The following CSMD1 variants were observed in gnomAD, a reference collection of about 807,000 sequenced individuals.
The protein encoded by CSMD1 is CUB and Sushi multiple domains 1.
CSMD1 carries 213 observed loss-of-function variants against 417.5 expected under a neutral mutation model. That is an observed-to-expected ratio of 0.51 (90% confidence interval 0.46 to 0.57). The LOEUF (loss-of-function observed/expected upper bound fraction) is 0.57. CSMD1 is among the 20% of genes least tolerant of loss of function. The probability of loss-of-function intolerance (pLI) is 0.00; values close to 1 mark genes in which losing one functional copy is unlikely to be tolerated. For synonymous variants in CSMD1, 2,862 were observed against 1,736.8 expected (o/e 1.65, Z -16.11); for missense variants, 6,923 against 4,529.7 (o/e 1.53, Z -15.17).
At chr8:3,293,061 T>C (rs559748326) in intron 25 of CSMD1, among the ~76,000 whole-genome samples, 6 of 152,104 alleles carry the variant, frequency 3.9e-5, no homozygotes, top group African/African-American at 1.2e-4. Context: ...GTGTGTAAAG[T>C]ATTTTATTTC....
chr8:4,171,044 C>G (rs1414996907), intron 3 of CSMD1, among the ~76,000 whole-genome samples: 1 of 151,890 alleles, frequency 6.6e-6, no homozygotes, highest in African/African-American at 2.4e-5. Flanking sequence ...GCACCGATCT[C>G]TCCATCCTCA....
intron 2 of CSMD1, among the ~76,000 whole-genome samples, chr8:4,432,357 C>A (rs1233162878): frequency 2.6e-5 from 4 of 152,124 alleles, no homozygotes; most frequent in South Asian, 4.1e-4. Flanking sequence ...AATCCCCTTC[C>A]CTGGCTATGA....
chr8:3,524,696 A>C (rs1797681723), intron 10 of CSMD1, among the ~76,000 whole-genome samples: 1 of 151,318 alleles, frequency 6.6e-6, no homozygotes, highest in Non-Finnish European at 1.5e-5. Flanking sequence ...CACCAAAGAG[A>C]CGTGCACACA....
chr8:3,114,016 G>A (rs117806712), intron 42 of CSMD1, among the ~76,000 whole-genome samples: 1 of 152,086 alleles, frequency 6.6e-6, no homozygotes, highest in Admixed American at 6.6e-5. Context: ...CCAGGAGTTC[G>A]AGACTAGTCT....
intron 1 of CSMD1, among the ~76,000 whole-genome samples, chr8:4,941,397 A>G (rs1394804737): frequency 6.6e-6 from 1 of 152,182 alleles, no homozygotes; most frequent in African/African-American, 2.4e-5. Flanking sequence ...ATGGTCTAAG[A>G]TATTTGTGAC....
At chr8:3,641,946 T>C (rs1179568400) in intron 7 of CSMD1, among the ~76,000 whole-genome samples, 1 of 152,108 alleles carries the variant, frequency 6.6e-6, no homozygotes, top group African/African-American at 2.4e-5. Flanking sequence ...AAGCACTGAG[T>C]GAATCCCTGA....
intron 3 of CSMD1, among the ~76,000 whole-genome samples, chr8:4,360,230 C>G (rs532154576): frequency 1.3e-5 from 2 of 152,126 alleles, no homozygotes; most frequent in African/African-American, 4.8e-5. Flanking sequence ...CCCTTCTCAT[C>G]TAATGTTGAT....
At chr8:4,651,355 C>A (rs142006187) in intron 1 of CSMD1, among the ~76,000 whole-genome samples, 1 of 152,068 alleles carries the variant, frequency 6.6e-6, no homozygotes, top group African/African-American at 2.4e-5. Flanking sequence ...GTTGAATATT[C>A]AAGCAGATCA....
intron 5 of CSMD1, among the ~76,000 whole-genome samples, chr8:3,946,181 A>G (rs568826642): frequency 4.9e-4 from 74 of 152,266 alleles, no homozygotes; most frequent in African/African-American, 1.7e-3. Flanking sequence ...ATTACAAAGA[A>G]TAAATCTCAG....
At chr8:4,222,928 A>C (rs573232878) in intron 3 of CSMD1, among the ~76,000 whole-genome samples, 31 of 152,296 alleles carry the variant, frequency 2.0e-4, no homozygotes, top group African/African-American at 7.2e-4. Context: ...TTTATAATCC[A>C]AGTCCTAAAA....
At chr8:4,573,374 G>A (rs1462419283) in intron 2 of CSMD1, among the ~76,000 whole-genome samples, 1 of 152,036 alleles carries the variant, frequency 6.6e-6, no homozygotes, top group Non-Finnish European at 1.5e-5. Flanking sequence ...TAACAGTCAG[G>A]CCCCTCTTCT....
At chr8:4,844,999 T>C (rs1001887367) in intron 1 of CSMD1, among the ~76,000 whole-genome samples, 2 of 152,196 alleles carry the variant, frequency 1.3e-5, no homozygotes, top group African/African-American at 2.4e-5. Context: ...TTAAAAATCA[T>C]TTTCACATAA....
chr8:4,037,993 A>C (rs1235447944), intron 3 of CSMD1, among the ~76,000 whole-genome samples: 1 of 152,208 alleles, frequency 6.6e-6, no homozygotes, highest in African/African-American at 2.4e-5. Flanking sequence ...ATAATGTATA[A>C]TTTTAGTCAC....
chr8:3,191,171 C>G (rs1347601937), intron 33 of CSMD1, among the ~76,000 whole-genome samples: 1 of 152,128 alleles, frequency 6.6e-6, no homozygotes, highest in African/African-American at 2.4e-5. Flanking sequence ...CTAACAAGCC[C>G]CAGCCGGGTG....
chr8:4,238,955 G>C (rs540765038), intron 3 of CSMD1, among the ~76,000 whole-genome samples: 3 of 152,166 alleles, frequency 2.0e-5, no homozygotes, highest in Admixed American at 6.5e-5. Flanking sequence ...TTCTTCTGTA[G>C]AGAGTAGACA....
At chr8:3,783,072 C>T (rs1799266291) in intron 5 of CSMD1, among the ~76,000 whole-genome samples, 1 of 152,106 alleles carries the variant, frequency 6.6e-6, no homozygotes. Flanking sequence ...AAGCAAGTCC[C>T]CATCTCCCCA....
intron 3 of CSMD1, among the ~76,000 whole-genome samples, chr8:4,159,620 A>G (rs553996601): frequency 2.0e-5 from 3 of 152,088 alleles, no homozygotes; most frequent in African/African-American, 7.2e-5. Flanking sequence ...ACAGAGTCTC[A>G]CTCTGTCGCC....
At chr8:3,330,721 C>T (rs925227359) in intron 23 of CSMD1, among the ~76,000 whole-genome samples, 3 of 152,028 alleles carry the variant, frequency 2.0e-5, no homozygotes, top group Non-Finnish European at 2.9e-5. Flanking sequence ...AAATAACAAA[C>T]CTGCACCTGT....
chr8:3,731,622 GA>G (rs762638554), intron 6 of CSMD1, among the ~76,000 whole-genome samples: 8 of 152,146 alleles, frequency 5.3e-5, no homozygotes, highest in Non-Finnish European at 1.0e-4. Flanking sequence ...GGCTAAAATG[GA>G]AAGGATGCAC....
Sources: gnomAD v4.1 joint callset for allele counts (sites outside exome capture counted in the v4.1 genomes callset) on GRCh38, gnomAD v4.1.1 for gene constraint, MANE v1.5 for transcripts, NCBI Gene and HGNC (gene_info 2026-07-23, HGNC 2026-07-21) for gene names.